The following RLF variants were observed in gnomAD, a reference collection of about 807,000 sequenced individuals.
RLF encodes zinc finger protein Rlf.
A neutral mutation model predicts 162.9 loss-of-function variants in RLF; 7 were observed. That is an observed-to-expected ratio of 0.04 (90% CI 0.02 to 0.08). The LOEUF (loss-of-function observed/expected upper bound fraction) is 0.08, where lower values mean the gene tolerates loss of function less well. Among genes scored for constraint, RLF ranks in the 10% least tolerant of loss-of-function variants. The pLI is 1.00. For missense variants in RLF, 1,664 were observed against 2,244.7 expected (o/e 0.74, Z 5.23); for synonymous variants, 782 against 791.5 (o/e 0.99, Z 0.20).
rs1570567626 is a variant in RLF at position 40,236,884 on chromosome 1, C to T, written c.2182C>T (p.His728Tyr). 1 of 1,614,130 alleles carries T rather than the reference C, an allele frequency of 6.2e-7. No homozygotes were observed. The highest frequency in any genetic ancestry group is 8.5e-7 in the Non-Finnish European group (1 of 1,179,996). The change falls in exon 8 of 8, where the codon CAC becomes TAC. Residue 728 changes from histidine (H) to tyrosine (Y), a missense_variant. Coordinates refer to ENST00000372771, the MANE Select transcript of RLF (RefSeq NM_012421.4). The surrounding 1 kb of genome is among the most constrained non-coding windows in gnomAD (Gnocchi z 7.7). ...YCRRHFMSAF[H>Y]LREHEQVHCG... ...TCGACGACATTTTATGTCTGCTTTT[C>T]ACCTTCGAGAGCACGAACAAGTGCA...
In RLF at chr1:40,237,899, G is replaced by A. The variant is rs765034240; in HGVS notation, c.3197G>A (p.Arg1066His). Residue 1066 changes from arginine to histidine, a missense_variant, in exon 8 of 8, where the codon CGC becomes CAC. This residue lies in a region of RLF where 295 missense variants were observed against 317.4 expected (regional missense o/e 0.93). Transcript: ENST00000372771. This position sits in a 1 kb window ranked among gnomAD's most constrained non-coding sequence, Gnocchi z 4.4. Reference sequence around the variant, plus strand: ...GATACCATGTTGGAACTTCTGTTACGCTTGAAACATTTAAGCTTGAAAAAC... The same window carrying A: ...GATACCATGTTGGAACTTCTGTTACACTTGAAACATTTAAGCTTGAAAAAC... Reference protein sequence around the residue: ...TEDTMLELLLRLKHLSLKNSI... With the variant: ...TEDTMLELLLHLKHLSLKNSI... The A allele has an allele frequency of 9.9e-6, 16 of 1,614,112 alleles. No individual in the cohort carries two copies. The highest frequency in any genetic ancestry group is 5.0e-5 in the Admixed American group (3 of 60,010).
chr1:40,215,788 A>G (rs1178117479), intron 5 of RLF, among the ~76,000 whole-genome samples: 3 of 152,034 alleles, frequency 2.0e-5, no homozygotes, highest in East Asian at 1.9e-4. Flanking sequence ...CAACATACCA[A>G]TATTTATGGA....
At chr1:40,232,417 C>T (rs1342762269) in intron 7 of RLF, among the ~76,000 whole-genome samples, 4 of 152,032 alleles carry the variant, frequency 2.6e-5, no homozygotes, top group Non-Finnish European at 5.9e-5. Context: ...ATCAGAAATC[C>T]AGCACAATGT....
intron 5 of RLF, among the ~76,000 whole-genome samples, chr1:40,204,327 C>T (rs1287729657): frequency 1.3e-5 from 2 of 151,430 alleles, no homozygotes; most frequent in African/African-American, 4.8e-5. Context: ...TGGTCTCTCT[C>T]TTAATTGTAC....
rs570856436 is a variant in RLF at position 40,209,717 on chromosome 1, G to A, written c.810+7103G>A. Among the ~76,000 whole-genome samples, 180 of 152,042 alleles carry A rather than the reference G, an allele frequency of 1.2e-3. 1 individual carries two copies. Among genetic ancestry groups the A allele is most frequent in the African/African-American group, 3.8e-3 (158 of 41,484 alleles). Reference sequence around the variant, plus strand: ...ATGGTGAAACCTTGTCTCTACTAAAGATACAAAAAATTAGTCAGGTGTGGT... The same window carrying A: ...ATGGTGAAACCTTGTCTCTACTAAAAATACAAAAAATTAGTCAGGTGTGGT... On this transcript the variant is annotated intron_variant, in intron 5 of 7. Coordinates refer to ENST00000372771, the MANE Select transcript of RLF (RefSeq NM_012421.4).
chr1:40,238,328 A>C lies in RLF; in HGVS notation c.3626A>C (p.Asn1209Thr), dbSNP rs1467226426. The change falls in exon 8 of 8, where the codon AAT becomes ACT. Residue 1209 changes from asparagine to threonine, a missense_variant. By Grantham distance (65) the Asn-to-Thr change is moderately conservative (BLOSUM62 0). This residue lies in a region of RLF where 102 missense variants were observed against 109.5 expected (regional missense o/e 0.93). Transcript: ENST00000372771. The surrounding 1 kb of genome is among the most constrained non-coding windows in gnomAD (Gnocchi z 5.2). Reference protein sequence around the residue: ...SDRATHKLLDNEKCDHEGPCS... With the variant: ...SDRATHKLLDTEKCDHEGPCS... ...AGAGCAACTCACAAACTATTAGATA[A>C]TGAAAAGTGTGATCATGAAGGCCCA... 6.2e-7 allele frequency: 1 copy of C among 1,614,186 alleles called. No homozygotes were observed. The highest frequency in any genetic ancestry group is 1.1e-5 in the South Asian group (1 of 91,086).
intron 3 of RLF, among the ~76,000 whole-genome samples, chr1:40,192,016 A>G (rs1360249717): frequency 5.9e-5 from 9 of 152,228 alleles, no homozygotes; most frequent in Admixed American, 5.9e-4. Flanking sequence ...AGACATGCAT[A>G]TTAACAGACA....
intron 5 of RLF, among the ~76,000 whole-genome samples, chr1:40,209,178 A>G (rs753164342): frequency 6.6e-6 from 1 of 152,164 alleles, no homozygotes; most frequent in Non-Finnish European, 1.5e-5. Context: ...GGATTTACTG[A>G]GGAGCTTAGG....
chr1:40,236,782 G>A lies in RLF; in HGVS notation c.2080G>A (p.Ala694Thr). 6.2e-7 allele frequency: 1 copy of A among 1,614,124 alleles called. No individual in the cohort carries two copies. Among genetic ancestry groups the A allele is most frequent in the Non-Finnish European group, 8.5e-7 (1 of 1,180,018 alleles). Reference sequence around the variant, plus strand: ...TAAATACTTAAGTGTGCATCTTAAAGCTGAACACCAAAATAATGATGAAAA... The same window carrying A: ...TAAATACTTAAGTGTGCATCTTAAAACTGAACACCAAAATAATGATGAAAA... ...QFKYLSVHLK[A>T]EHQNNDENAK... The change falls in exon 8 of 8, where the codon GCT becomes ACT. Residue 694 changes from alanine to threonine, a missense_variant. Physicochemically the swap from Ala to Thr is moderately conservative, Grantham distance 58. Coordinates refer to ENST00000372771, the MANE Select transcript of RLF (RefSeq NM_012421.4). This position sits in a 1 kb window ranked among gnomAD's most constrained non-coding sequence, Gnocchi z 7.7.
chr1:40,199,740 A>G (rs1402218651), intron 4 of RLF, among the ~76,000 whole-genome samples: 1 of 152,156 alleles, frequency 6.6e-6, no homozygotes, highest in Non-Finnish European at 1.5e-5. Context: ...ATTGCTTACA[A>G]CCTCATATGG....
chr1:40,189,328 T>TTGAATGAAATTTCCTTCC, intron 2 of RLF, 119 bp downstream of exon 2: 1 of 753,780 alleles, frequency 1.3e-6, no homozygotes, highest in Non-Finnish European at 2.1e-6. Flanking sequence ...AGTCATACCA[T>TTGAATGAAATTTCCTTCC]TGAATGAAAT....
intron 4 of RLF, among the ~76,000 whole-genome samples, chr1:40,197,892 G>C (rs946774214): frequency 2.0e-5 from 3 of 152,194 alleles, no homozygotes; most frequent in African/African-American, 7.2e-5. Context: ...ATACCAAAAA[G>C]CAGTGATGTT....
At chr1:40,172,676 G>C (rs1022641769) in intron 1 of RLF, among the ~76,000 whole-genome samples, 1 of 152,154 alleles carries the variant, frequency 6.6e-6, no homozygotes, top group African/African-American at 2.4e-5. Flanking sequence ...TGAGGCAAGA[G>C]AATTGGTTGA....
At chr1:40,194,186 A>G (rs1642598253) in intron 3 of RLF, among the ~76,000 whole-genome samples, 1 of 152,090 alleles carries the variant, frequency 6.6e-6, no homozygotes, top group Non-Finnish European at 1.5e-5. Flanking sequence ...GACATTTTAT[A>G]TAGAGCCACC....
At chr1:40,177,935 G>C (rs78327388) in intron 1 of RLF, 7,923 of 152,696 alleles carry the variant, frequency 0.052, 600 homozygotes, top group African/African-American at 0.17. Context: ...AATTTTTGAA[G>C]TGTTCTATAT....
chr1:40,195,098 G>T lies in RLF; in HGVS notation c.475-534G>T, dbSNP rs549360293. Among the ~76,000 whole-genome samples the T allele has an allele frequency of 5.7e-3, 856 of 151,328 alleles. 6 individuals carry two copies. Among genetic ancestry groups the T allele is most frequent in the African/African-American group, 0.02 (820 of 41,308 alleles). On this transcript the variant is annotated intron_variant, in intron 3 of 7. Transcript: ENST00000372771. ...GGTCCACCCGTCTCAGCCTCCCAAAGTGCTGAGATCACAGGCATGAGCCAC... is the reference window on the plus strand; with the variant it reads ...GGTCCACCCGTCTCAGCCTCCCAAATTGCTGAGATCACAGGCATGAGCCAC...
At chr1:40,164,107 C>G (rs1642134544) in intron 1 of RLF, among the ~76,000 whole-genome samples, 1 of 152,166 alleles carries the variant, frequency 6.6e-6, no homozygotes, top group African/African-American at 2.4e-5. Flanking sequence ...TTTTCTCGGA[C>G]TCTAGGAGAG....
intron 1 of RLF, among the ~76,000 whole-genome samples, chr1:40,184,609 G>C (rs200996267): frequency 5.3e-4 from 80 of 152,278 alleles, no homozygotes; most frequent in East Asian, 3.7e-3. Context: ...AGGCAGTTGA[G>C]GTATATAGCA....
intron 6 of RLF, among the ~76,000 whole-genome samples, chr1:40,230,179 T>C (rs956335395): frequency 3.3e-5 from 5 of 152,012 alleles, no homozygotes; most frequent in African/African-American, 1.2e-4. Flanking sequence ...TTTAGAAATA[T>C]AAGAAAATAA....
Sources: gnomAD v4.1 joint callset for allele counts (sites outside exome capture counted in the v4.1 genomes callset) on GRCh38, gnomAD v4.1.1 for gene constraint, gnomAD v4.1.1 regional missense constraint, Gnocchi (gnomAD v3.1) non-coding constraint, MANE v1.5 for transcripts, NCBI Gene and HGNC (gene_info 2026-07-23, HGNC 2026-07-21) for gene names.